EFCAB11: variants seen among roughly 807,000 people sequenced by gnomAD.
EFCAB11 encodes the protein EF-hand calcium binding domain 11, also known as EF-hand calcium-binding domain-containing protein 11.
EFCAB11 carries 14 observed loss-of-function variants against 23.0 expected under a neutral mutation model. The observed-to-expected ratio is 0.61, with a 90% CI of 0.40 to 0.95. EFCAB11 has a LOEUF of 0.95. Among genes scored for constraint, EFCAB11 ranks in the 40% least tolerant of loss-of-function variants. The probability of loss-of-function intolerance (pLI) is 0.00; values close to 1 mark genes in which losing one functional copy is unlikely to be tolerated. For missense variants in EFCAB11, 198 were observed against 195.8 expected (o/e 1.01, Z -0.07); for synonymous variants, 65 against 66.6 (o/e 0.98, Z 0.11).
At chr14:89,820,366 CA>C (rs1886472198) in intron 5 of EFCAB11, among the ~76,000 whole-genome samples, 2 of 152,082 alleles carry the variant, frequency 1.3e-5, no homozygotes, top group Admixed American at 1.3e-4. Flanking sequence ...AATTCCCCAG[CA>C]AAATATTCAT....
At chr14:89,874,914 C>T (rs1888388597) in intron 5 of EFCAB11, among the ~76,000 whole-genome samples, 1 of 151,988 alleles carries the variant, frequency 6.6e-6, no homozygotes, top group African/African-American at 2.4e-5. Context: ...GTACTCAAGT[C>T]ACCTCTTGAA....
At chr14:89,939,102 G>T (rs1596466808) in intron 3 of EFCAB11, among the ~76,000 whole-genome samples, 1 of 151,760 alleles carries the variant, frequency 6.6e-6, no homozygotes, top group Non-Finnish European at 1.5e-5. Context: ...AGCTTAAAAG[G>T]TTCCTCAGTG....
intron 5 of EFCAB11, among the ~76,000 whole-genome samples, chr14:89,877,090 A>G (rs1888464106): frequency 6.6e-6 from 1 of 151,772 alleles, no homozygotes; most frequent in South Asian, 2.1e-4. Flanking sequence ...CCCAGGCTAG[A>G]GTGCAGTGGT....
intron 3 of EFCAB11, among the ~76,000 whole-genome samples, chr14:89,939,377 T>C (rs1034444837): frequency 1.3e-5 from 2 of 152,100 alleles, no homozygotes; most frequent in African/African-American, 2.4e-5. Flanking sequence ...AAATCTGAGA[T>C]GGGCGAGAGA....
At chr14:89,838,435 A>AT (rs2140124087) in intron 5 of EFCAB11, among the ~76,000 whole-genome samples, 1 of 151,968 alleles carries the variant, frequency 6.6e-6, no homozygotes, top group African/African-American at 2.4e-5. Flanking sequence ...CTACAGAGAG[A>AT]TAAAAAGGAA....
chr14:89,913,134 T>G (rs1476507186), intron 5 of EFCAB11, among the ~76,000 whole-genome samples: 1 of 152,192 alleles, frequency 6.6e-6, no homozygotes, highest in Non-Finnish European at 1.5e-5. Flanking sequence ...TGTGGGGAAC[T>G]CACTGGCTCT....
chr14:89,809,425 C>T (rs1263394251), intron 5 of EFCAB11, among the ~76,000 whole-genome samples: 3 of 152,144 alleles, frequency 2.0e-5, no homozygotes, highest in African/African-American at 7.2e-5. Flanking sequence ...TGCCCATTAT[C>T]TAGTTTCTCC....
At chr14:89,828,775 CA>C (rs1886790630) in intron 5 of EFCAB11, among the ~76,000 whole-genome samples, 1 of 152,100 alleles carries the variant, frequency 6.6e-6, no homozygotes, top group South Asian at 2.1e-4. Flanking sequence ...TAATAAGAAG[CA>C]GTTCAGCTTG....
intron 5 of EFCAB11, among the ~76,000 whole-genome samples, chr14:89,887,661 A>C (rs1405751161): frequency 2.6e-5 from 4 of 152,222 alleles, no homozygotes; most frequent in African/African-American, 9.6e-5. Flanking sequence ...AGTAAAAGTC[A>C]ACCTTTTTCT....
intron 5 of EFCAB11, among the ~76,000 whole-genome samples, chr14:89,864,084 T>G (rs1250979265): frequency 1.3e-5 from 2 of 152,202 alleles, no homozygotes; most frequent in African/African-American, 2.4e-5. Flanking sequence ...TAGTTCTAAA[T>G]AATGCATAAT....
chr14:89,887,690 T>G (rs1888836583), intron 5 of EFCAB11, among the ~76,000 whole-genome samples: 1 of 152,212 alleles, frequency 6.6e-6, no homozygotes, highest in Non-Finnish European at 1.5e-5. Flanking sequence ...TACCAACCAT[T>G]TAGAAAAGAC....
chr14:89,816,600 C>T (rs565687508), intron 5 of EFCAB11, among the ~76,000 whole-genome samples: 2 of 152,206 alleles, frequency 1.3e-5, no homozygotes, highest in East Asian at 1.9e-4. Context: ...CTAAACAAAG[C>T]AAAACCCTTA....
intron 5 of EFCAB11, among the ~76,000 whole-genome samples, chr14:89,929,000 C>T (rs1005580266): frequency 1.4e-5 from 2 of 145,066 alleles, no homozygotes; most frequent in Non-Finnish European, 3.0e-5. Context: ...TATACTCTAA[C>T]CTATGGAAAG....
At chr14:89,937,189 T>C (rs1028921691) in intron 3 of EFCAB11, among the ~76,000 whole-genome samples, 10 of 152,190 alleles carry the variant, frequency 6.6e-5, no homozygotes, top group African/African-American at 2.4e-4. Context: ...CCTGGGTCAT[T>C]AGACTCTATC....
intron 5 of EFCAB11, among the ~76,000 whole-genome samples, chr14:89,929,081 C>G (rs906685071): frequency 3.3e-5 from 4 of 121,424 alleles, no homozygotes; most frequent in Non-Finnish European, 7.0e-5. Flanking sequence ...GGGTCTTGCT[C>G]TGTTGCCCAG....
intron 5 of EFCAB11, among the ~76,000 whole-genome samples, chr14:89,928,677 T>C (rs1890272202): frequency 7.1e-6 from 1 of 140,202 alleles, no homozygotes; most frequent in Admixed American, 6.8e-5. Flanking sequence ...TATAATTATG[T>C]ATGTTTATAT....
chr14:89,846,936 C>T (rs1324984458), intron 5 of EFCAB11, among the ~76,000 whole-genome samples: 1 of 152,196 alleles, frequency 6.6e-6, no homozygotes, highest in East Asian at 1.9e-4. Context: ...AAGGGTCTTG[C>T]TTTCTTCAAT....
intron 5 of EFCAB11, among the ~76,000 whole-genome samples, chr14:89,904,120 C>T (rs1349988085): frequency 6.6e-6 from 1 of 152,084 alleles, no homozygotes; most frequent in African/African-American, 2.4e-5. Context: ...AATGCTATCC[C>T]TCCCCCAGCA....
intron 5 of EFCAB11, among the ~76,000 whole-genome samples, chr14:89,853,238 A>C (rs1263397481): frequency 2.0e-5 from 3 of 152,220 alleles, no homozygotes; most frequent in Non-Finnish European, 2.9e-5. Flanking sequence ...GCCTGAGCAT[A>C]CTAGAGAGAA....
Sources: gnomAD v4.1 joint callset for allele counts (sites outside exome capture counted in the v4.1 genomes callset) on GRCh38, gnomAD v4.1.1 for gene constraint, MANE v1.5 for transcripts, NCBI Gene and HGNC (gene_info 2026-07-23, HGNC 2026-07-21) for gene names.